Variants in AGAP1 observed in about 807,000 individuals in gnomAD.
AGAP1 encodes the protein ArfGAP with GTPase domain, ankyrin repeat and PH domain 1.
Under a neutral mutation model 105.3 loss-of-function variants are expected in AGAP1, and 29 were observed. The observed-to-expected ratio is 0.28, with a 90% CI of 0.21 to 0.38. The LOEUF is 0.38. AGAP1 is among the 10% of genes least tolerant of loss of function. AGAP1 has a pLI of 1.00. For missense variants in AGAP1, 998 were observed against 1,165.1 expected (o/e 0.86, Z 2.09); for synonymous variants, 509 against 485.9 (o/e 1.05, Z -0.63).
intron 1 of AGAP1, among the ~76,000 whole-genome samples, chr2:235,525,726 G>A (rs1457678311): frequency 1.6e-5 from 1 of 61,314 alleles, no homozygotes; most frequent in Admixed American, 1.3e-4. Flanking sequence ...TACATAATGT[G>A]GAGGACTGAT....
chr2:236,005,135 G>T lies in AGAP1; in HGVS notation c.1646-31426G>T, dbSNP rs1371702532. 4.0e-5 allele frequency among the ~76,000 whole-genome samples: 6 copies of T among 151,772 alleles called. No individual in the cohort carries two copies. The highest frequency in any genetic ancestry group is 1.5e-4 in the African/African-American group (6 of 41,314). On this transcript the variant is annotated intron_variant, in intron 13 of 17. Transcript: ENST00000304032. The surrounding 1 kb of genome is among the most constrained non-coding windows in gnomAD (Gnocchi z 4.1). ...AGTTTCCCATGTTTTTTGTGTGTGT[G>T]TGTGTTTTGGTTTTTGTTTGTTTGT... is the stretch of plus-strand genomic sequence containing the variant.
chr2:235,643,434 A>C lies in AGAP1; in HGVS notation c.164-65745A>C, dbSNP rs1417781177. 8.9e-5 allele frequency among the ~76,000 whole-genome samples: 3 copies of C among 33,684 alleles called. No individual in the cohort carries two copies. In the East Asian group the frequency reaches 1.8e-3, roughly 20 times the overall value. The allele number at this position is 33,684 out of a possible 152,430, so 22.1% of individuals were successfully genotyped here. On this transcript the variant is annotated intron_variant, in intron 1 of 17. Transcript: ENST00000304032. ...CAACAAGAGAGAGACTGGGTCTCAA[A>C]AAAAAAAAAAAAAAAAAAAAAAAAA... is the stretch of plus-strand genomic sequence containing the variant.
chr2:236,094,220 C>G (rs181337456), intron 16 of AGAP1, among the ~76,000 whole-genome samples: 1 of 151,744 alleles, frequency 6.6e-6, no homozygotes, highest in East Asian at 1.9e-4. Flanking sequence ...CTCAGAAGGC[C>G]ACGTCAGGAG....
rs1219046578 is a variant in AGAP1 at position 235,824,712 on chromosome 2, C to T, written c.1050+17381C>T. 6.6e-6 allele frequency among the ~76,000 whole-genome samples: 1 copy of T among 152,136 alleles called. No individual in the cohort carries two copies. Among genetic ancestry groups the T allele is most frequent in the Non-Finnish European group, 1.5e-5 (1 of 68,038 alleles). On this transcript the variant is annotated intron_variant, in intron 9 of 17. Coordinates refer to ENST00000304032, the MANE Select transcript of AGAP1 (RefSeq NM_001037131.3). This position sits in a 1 kb window ranked among gnomAD's most constrained non-coding sequence, Gnocchi z 5.2. ...CCCAGAGCAATAAAAATATATTCCA[C>T]ATGTAGATGAGATGTGCCCTTATAT...
intron 16 of AGAP1, among the ~76,000 whole-genome samples, chr2:236,091,492 C>T (rs2059058985): frequency 6.6e-6 from 1 of 152,134 alleles, no homozygotes; most frequent in South Asian, 2.1e-4. Flanking sequence ...AAACCTAGGC[C>T]GGGCGCGGTG....
chr2:235,851,630 A>T (rs1023256916), intron 9 of AGAP1, among the ~76,000 whole-genome samples: 17 of 152,114 alleles, frequency 1.1e-4, no homozygotes, highest in Non-Finnish European at 2.1e-4. Context: ...CTCTAGGCTT[A>T]TCTCCGTGTG....
rs1338325461 is a variant in AGAP1, at chr2:235,574,371, AT to A, written c.163+79528del. Reference sequence around the variant, plus strand: ...ATTGATTTAATTGTATGTGTGAAGCATTTTTTCTTCTTTGCTAAATGCATAA... The same window carrying A: ...ATTGATTTAATTGTATGTGTGAAGCATTTTTCTTCTTTGCTAAATGCATAA... On this transcript the variant is annotated intron_variant, in intron 1 of 17. Coordinates refer to ENST00000304032, the MANE Select transcript of AGAP1 (RefSeq NM_001037131.3). The surrounding 1 kb of genome is among the most constrained non-coding windows in gnomAD (Gnocchi z 5.0). 1.3e-5 allele frequency among the ~76,000 whole-genome samples: 2 copies of A among 152,182 alleles called. No homozygotes were observed. The highest frequency in any genetic ancestry group is 4.8e-5 in the African/African-American group (2 of 41,448).
chr2:235,498,149 C>A (rs1291956020), intron 1 of AGAP1, among the ~76,000 whole-genome samples: 1 of 152,116 alleles, frequency 6.6e-6, no homozygotes, highest in Non-Finnish European at 1.5e-5. Context: ...AGTTGAAAGG[C>A]CCACCAAGGC....
rs1491469457 is a variant in AGAP1, at chr2:235,536,627, T to TCG, written c.163+41779_163+41780insGC. Among the ~76,000 whole-genome samples the TCG allele has an allele frequency of 5.3e-4, 57 of 108,314 alleles. 1 individual carries two copies. The highest frequency in any genetic ancestry group is 1.8e-3 in the African/African-American group (49 of 27,276). 71.1% of individuals were successfully genotyped at this position (108,314 alleles called of 152,430 possible). A position where few individuals can be genotyped will look rare whatever the true frequency, so the allele number is the denominator to read the frequency against. ...CCCCTGGGTTTGTGTGTCGCATCCT[T>TCG]CACACACACACACACACACACACAC... On this transcript the variant is annotated intron_variant, in intron 1 of 17. Transcript: ENST00000304032.
intron 2 of AGAP1, among the ~76,000 whole-genome samples, chr2:235,710,651 C>T (rs1950807848): frequency 1.3e-5 from 2 of 152,236 alleles, no homozygotes; most frequent in Non-Finnish European, 1.5e-5. Context: ...CTTTTGTGTG[C>T]TTTGTCACCG....
chr2:235,810,678 G>A (rs566514699), intron 9 of AGAP1, among the ~76,000 whole-genome samples: 71 of 152,200 alleles, frequency 4.7e-4, no homozygotes, highest in African/African-American at 1.3e-3. Flanking sequence ...GGTCAATGAC[G>A]TTGTCTCTTT....
intron 1 of AGAP1, among the ~76,000 whole-genome samples, chr2:235,603,575 G>A (rs545633645): frequency 2.6e-5 from 4 of 152,294 alleles, no homozygotes; most frequent in African/African-American, 9.6e-5. Flanking sequence ...AAGTCAGAGA[G>A]CAAATGCTTT....
chr2:235,894,770 G>C (rs1433791375), intron 10 of AGAP1, among the ~76,000 whole-genome samples: 2 of 152,132 alleles, frequency 1.3e-5, no homozygotes, highest in Non-Finnish European at 2.9e-5. Flanking sequence ...TTATTCTAAA[G>C]TGTGATTCGG....
intron 1 of AGAP1, among the ~76,000 whole-genome samples, chr2:235,602,289 T>C (rs762652038): frequency 2.0e-5 from 3 of 152,240 alleles, no homozygotes; most frequent in Non-Finnish European, 4.4e-5. Context: ...GCTGCTTTCA[T>C]GTGACATCAG....
In AGAP1 at chr2:236,041,602, C is replaced by T. The variant is rs535562828; in HGVS notation, c.1891+761C>T. 1.2e-4 allele frequency among the ~76,000 whole-genome samples: 19 copies of T among 152,306 alleles called. No individual in the cohort carries two copies. In the East Asian group the frequency reaches 3.7e-3, roughly 29 times the overall value. The stretch of plus-strand genomic sequence containing the variant: ...CATGGTTGCAGTCCCAGCCCAGAGA[C>T]AGTATTGGAGACATTCAGTAAATTT... On this transcript the variant is annotated intron_variant, in intron 15 of 17. Coordinates refer to ENST00000304032, the MANE Select transcript of AGAP1 (RefSeq NM_001037131.3).
intron 1 of AGAP1, among the ~76,000 whole-genome samples, chr2:235,504,203 G>A (rs573217631): frequency 1.3e-5 from 2 of 152,250 alleles, no homozygotes; most frequent in East Asian, 3.9e-4. Context: ...AAAGGAGAAA[G>A]TTTTCACAAA....
intron 12 of AGAP1, among the ~76,000 whole-genome samples, chr2:235,940,997 A>AT (rs1189993940): frequency 6.6e-6 from 1 of 152,216 alleles, no homozygotes; most frequent in African/African-American, 2.4e-5. Flanking sequence ...GATTTGCAAA[A>AT]TGAGCTCCAA....
intron 4 of AGAP1, among the ~76,000 whole-genome samples, chr2:235,743,146 G>A (rs567384553): frequency 1.6e-4 from 24 of 152,310 alleles, no homozygotes; most frequent in Middle Eastern, 3.4e-3. Flanking sequence ...CAGCCTGGGC[G>A]ATGGAGCGAG....
chr2:236,031,561 G>A (rs941374018), intron 13 of AGAP1, among the ~76,000 whole-genome samples: 2 of 152,098 alleles, frequency 1.3e-5, no homozygotes, highest in Non-Finnish European at 2.9e-5. Flanking sequence ...TCTCAGAGTT[G>A]CAAGGGCCCT....
Sources: allele counts gnomAD v4.1 joint callset (sites outside exome capture counted in the v4.1 genomes callset), GRCh38; gene constraint gnomAD v4.1.1; non-coding constraint Gnocchi (gnomAD v3.1); transcripts MANE v1.5; gene names NCBI Gene and HGNC (gene_info 2026-07-23, HGNC 2026-07-21).